Variants in ADGRL3 observed in about 807,000 individuals in gnomAD.
The protein encoded by ADGRL3 is calcium-independent alpha-latrotoxin receptor 3.
Under a neutral mutation model 153.5 loss-of-function variants are expected in ADGRL3, and 62 were observed. That is an observed-to-expected ratio of 0.40 (90% confidence interval 0.33 to 0.50). The LOEUF (loss-of-function observed/expected upper bound fraction) is 0.50. Ranked by LOEUF, ADGRL3 falls within the 20% of genes least tolerant of loss-of-function variation. ADGRL3 has a pLI of 0.47. For synonymous variants in ADGRL3, 710 were observed against 672.5 expected, an observed-to-expected ratio of 1.06 and a Z score of -0.86; for missense variants, 1,641 against 1,859.4, an observed-to-expected ratio of 0.88 and a Z score of 2.16.
At chr4:61,723,254 G>A (rs2096270603) in intron 6 of ADGRL3, among the ~76,000 whole-genome samples, 1 of 152,150 alleles carries the variant, frequency 6.6e-6, no homozygotes, top group African/African-American at 2.4e-5. Context: ...AAGTTTCCCT[G>A]AAGCAGAGAT....
intron 1 of ADGRL3, among the ~76,000 whole-genome samples, chr4:61,298,831 A>G (rs1400005671): frequency 1.3e-5 from 2 of 152,194 alleles, no homozygotes; most frequent in African/African-American, 2.4e-5. Context: ...TTAATAATAG[A>G]GAAGGTTATA....
chr4:61,434,150 C>G lies in ADGRL3; in HGVS notation c.-174+50961C>G, dbSNP rs145937103. Among the ~76,000 whole-genome samples the G allele has an allele frequency of 3.2e-3, 491 of 152,178 alleles. 5 individuals are homozygous for G. The highest frequency in any genetic ancestry group is 0.011 in the African/African-American group (443 of 41,538). ...ATTTTTCAAGTGCTTAGATCAATGT[C>G]TGGCTCACATTAGATATTGACAATT... is the stretch of plus-strand genomic sequence containing the variant. On this transcript the variant is annotated intron_variant, in intron 2 of 26. Coordinates refer to ENST00000683033, the MANE Select transcript of ADGRL3 (RefSeq NM_001387552.1).
chr4:61,663,241 G>A (rs1184126337), intron 5 of ADGRL3, among the ~76,000 whole-genome samples: 1 of 152,186 alleles, frequency 6.6e-6, no homozygotes, highest in African/African-American at 2.4e-5. Context: ...GCCCTTCAGA[G>A]AGCCCAGACC....
chr4:61,293,291 A>G (rs1033683571), intron 1 of ADGRL3, among the ~76,000 whole-genome samples: 22 of 152,148 alleles, frequency 1.4e-4, no homozygotes, highest in African/African-American at 5.3e-4. Context: ...TTAAACCATC[A>G]TTACCACAGC....
chr4:61,757,430 G>A (rs941317451), intron 8 of ADGRL3, among the ~76,000 whole-genome samples: 2 of 152,144 alleles, frequency 1.3e-5, no homozygotes. Context: ...AGTATTCTCT[G>A]ATGATAGTTT....
chr4:61,604,992 A>G (rs1369184662), intron 5 of ADGRL3, among the ~76,000 whole-genome samples: 1 of 149,622 alleles, frequency 6.7e-6, no homozygotes, highest in Non-Finnish European at 1.5e-5. Flanking sequence ...TGGGAGGCTA[A>G]GGCAGGAGAA....
intron 6 of ADGRL3, among the ~76,000 whole-genome samples, chr4:61,679,864 G>A (rs2095295262): frequency 6.6e-6 from 1 of 151,880 alleles, no homozygotes; most frequent in Non-Finnish European, 1.5e-5. Context: ...TTATATAATA[G>A]TTTTAACTCA....
intron 2 of ADGRL3, among the ~76,000 whole-genome samples, chr4:61,480,138 A>G (rs1190427980): frequency 6.6e-6 from 1 of 152,176 alleles, no homozygotes; most frequent in Admixed American, 6.5e-5. Flanking sequence ...TTTAGCTTGC[A>G]TAACTGAAAC....
intron 15 of ADGRL3, among the ~76,000 whole-genome samples, chr4:61,939,733 G>A (rs1182151193): frequency 4.6e-5 from 7 of 152,014 alleles, no homozygotes; most frequent in Non-Finnish European, 5.9e-5. Context: ...CTCCCAAAGT[G>A]CTGGGATTAC....
At chr4:61,527,855 A>G (rs2098579766) in intron 4 of ADGRL3, among the ~76,000 whole-genome samples, 1 of 152,100 alleles carries the variant, frequency 6.6e-6, no homozygotes, top group Admixed American at 6.6e-5. Context: ...AAACCCTCTC[A>G]TTGACTGGGC....
At chr4:61,607,248 A>T (rs2099035855) in intron 5 of ADGRL3, among the ~76,000 whole-genome samples, 1 of 152,072 alleles carries the variant, frequency 6.6e-6, no homozygotes, top group Non-Finnish European at 1.5e-5. Flanking sequence ...GTCATGAGTC[A>T]TGAGTGTGGG....
At chr4:61,456,453 C>CTATATATATAGATATATCTATATCTA (rs1560665087) in intron 2 of ADGRL3, among the ~76,000 whole-genome samples, 5 of 97,808 alleles carry the variant, frequency 5.1e-5, no homozygotes, top group African/African-American at 2.1e-4. Context: ...ATATCTATAT[C>CTATATATATAGATATATCTATATCTA]TATATATATA....
At position 62,070,864 on chromosome 4, in the gene ADGRL3, G is replaced by A. The variant is rs1020254329; in HGVS notation, c.4588G>A (p.Glu1530Lys). 5.8e-6 allele frequency: 9 copies of A among 1,551,308 alleles called. No individual in the cohort carries two copies. Among genetic ancestry groups the A allele is most frequent in the Middle Eastern group, 1.7e-4 (1 of 6,010 alleles). The change falls in exon 27 of 27, where the codon GAG (glutamate) becomes AAG (lysine). Residue 1530 changes from glutamate (E) to lysine (K), a missense_variant. Physicochemically the swap from Glu to Lys is moderately conservative, Grantham distance 56 (BLOSUM62 1). Transcript: ENST00000683033. ...VPPNKDGTPP[E>K]GSSKGPAHLV... Reference sequence around the variant, plus strand: ...TCCAAACAAAGATGGGACCCCTCCCGAGGGAAGTTCAAAAGGACCGGCTCA... The same window carrying A: ...TCCAAACAAAGATGGGACCCCTCCCAAGGGAAGTTCAAAAGGACCGGCTCA...
At chr4:61,480,765 A>G (rs62305345) in intron 2 of ADGRL3, among the ~76,000 whole-genome samples, 8 of 152,048 alleles carry the variant, frequency 5.3e-5, no homozygotes, top group Non-Finnish European at 1.0e-4. Flanking sequence ...CCTGGGTGAC[A>G]GAGGGAGACT....
intron 1 of ADGRL3, among the ~76,000 whole-genome samples, chr4:61,246,846 G>A (rs1328009601): frequency 6.6e-6 from 1 of 151,632 alleles, no homozygotes; most frequent in African/African-American, 2.4e-5. Context: ...ATATATATGG[G>A]GGGAAGGGGA....
chr4:61,539,858 C>T (rs1156767984), intron 4 of ADGRL3, among the ~76,000 whole-genome samples: 1 of 152,186 alleles, frequency 6.6e-6, no homozygotes, highest in African/African-American at 2.4e-5. Flanking sequence ...GGGACTGTCT[C>T]TGCCAGAGCC....
intron 25 of ADGRL3, chr4:62,063,453 G>T (rs1453705159): frequency 8.0e-6 from 5 of 623,292 alleles, no homozygotes; most frequent in African/African-American, 3.8e-5. Context: ...AAACACATTT[G>T]CCTGATTGAC....
At chr4:62,000,522 A>G (rs2099136477) in intron 21 of ADGRL3, among the ~76,000 whole-genome samples, 1 of 152,254 alleles carries the variant, frequency 6.6e-6, no homozygotes, top group East Asian at 1.9e-4. Context: ...CAAAGCAAAT[A>G]AAGTCTTAAA....
chr4:61,416,585 A>T (rs1486966090), intron 2 of ADGRL3, among the ~76,000 whole-genome samples: 1 of 152,238 alleles, frequency 6.6e-6, no homozygotes, highest in Non-Finnish European at 1.5e-5. Context: ...GGAAACTTTT[A>T]TAACAATTTA....
Sources: allele counts gnomAD v4.1 joint callset (sites outside exome capture counted in the v4.1 genomes callset), GRCh38; gene constraint gnomAD v4.1.1; transcripts MANE v1.5; gene names NCBI Gene and HGNC (gene_info 2026-07-23, HGNC 2026-07-21).